The following RBFOX1 variants were observed in gnomAD, a reference collection of about 807,000 sequenced individuals.
RBFOX1 encodes the protein RNA binding protein fox-1 homolog 1.
A neutral mutation model predicts 57.7 loss-of-function variants in RBFOX1; 8 were observed. The observed-to-expected ratio is 0.14, with a 90% confidence interval of 0.08 to 0.25. RBFOX1 has a LOEUF of 0.25. Among genes scored for constraint, RBFOX1 ranks in the 10% least tolerant of loss-of-function variants. The probability of loss-of-function intolerance (pLI) is 1.00; values close to 1 mark genes in which losing one functional copy is unlikely to be tolerated. For missense variants in RBFOX1, 611 were observed against 548.5 expected (o/e 1.11, Z -1.14); for synonymous variants, 326 against 222.4 (o/e 1.47, Z -4.15).
At chr16:6,337,065 A>G (rs1398438377) in intron 2 of RBFOX1, among the ~76,000 whole-genome samples, 1 of 152,206 alleles carries the variant, frequency 6.6e-6, no homozygotes, top group Non-Finnish European at 1.5e-5. Flanking sequence ...TTGGAACCCA[A>G]GAGTTCAGAG....
intron 2 of RBFOX1, among the ~76,000 whole-genome samples, chr16:6,533,573 A>C (rs966043827): frequency 8.6e-5 from 13 of 151,936 alleles, no homozygotes; most frequent in African/African-American, 3.1e-4. Context: ...GGTAACATAC[A>C]GAGTCAAGTG....
Position 6,580,994 on chromosome 16 carries a change from G to A in RBFOX1, c.-63-73609G>A, listed in dbSNP as rs114295102. On this transcript the variant is annotated intron_variant, in intron 2 of 15. Transcript: ENST00000550418. ...GAAGCATTGATCAAGAATATATTTT[G>A]CTTTGGATGAAGAATGTGAAAAATG... Among the ~76,000 whole-genome samples the A allele has an allele frequency of 6.0e-3, 895 of 149,132 alleles. 11 individuals are homozygous for A. The highest frequency in any genetic ancestry group is 0.021 in the African/African-American group (837 of 40,604).
At chr16:5,611,383 C>G (rs555219246) in intron 3 of RBFOX1, 2 of 152,280 alleles carry the variant, frequency 1.3e-5, no homozygotes, top group Admixed American at 1.3e-4. Context: ...ACTGCAACCC[C>G]AGCATCACCT....
intron 1 of RBFOX1, among the ~76,000 whole-genome samples, chr16:5,428,237 C>G (rs1279181670): frequency 2.0e-5 from 3 of 152,058 alleles, no homozygotes; most frequent in Non-Finnish European, 4.4e-5. Flanking sequence ...CCAGGCAAAC[C>G]TTGAGAAGCC....
chr16:6,006,326 C>T (rs2094926935), intron 4 of RBFOX1, among the ~76,000 whole-genome samples: 1 of 151,494 alleles, frequency 6.6e-6, no homozygotes, highest in Admixed American at 6.6e-5. Flanking sequence ...GTGATCCCAT[C>T]TGGACCAGTG....
Position 7,119,406 on chromosome 16 carries a change from A to G in RBFOX1, c.27+67308A>G, listed in dbSNP as rs74008922. ...AGATAAAAAGTACAATAAACGAGCTATCTTAAGGAAACTCAAATTACTTTG... is the reference window on the plus strand; with the variant it reads ...AGATAAAAAGTACAATAAACGAGCTGTCTTAAGGAAACTCAAATTACTTTG... On this transcript the variant is annotated intron_variant, in intron 4 of 15. Coordinates refer to ENST00000550418, the MANE Select transcript of RBFOX1 (RefSeq NM_018723.4). 4.1e-3 allele frequency among the ~76,000 whole-genome samples: 617 copies of G among 152,232 alleles called. 6 individuals carry two copies. Among genetic ancestry groups the G allele is most frequent in the African/African-American group, 0.014 (571 of 41,540 alleles).
Position 7,282,259 on chromosome 16 carries a change from A to C in RBFOX1, c.27+230161A>C, listed in dbSNP as rs1184947420. 2.0e-5 allele frequency among the ~76,000 whole-genome samples: 3 copies of C among 152,186 alleles called. No homozygotes were observed. The East Asian group carries it at 5.8e-4, about 29-fold the overall frequency. The stretch of plus-strand genomic sequence containing the variant: ...GTTTGCTCAGACTAACAGTCAGAGG[A>C]ACAAGTAAATGGCATTTGCAAAGGG... On this transcript the variant is annotated intron_variant, in intron 4 of 15. Coordinates refer to ENST00000550418, the MANE Select transcript of RBFOX1 (RefSeq NM_018723.4).
At chr16:7,709,177 C>A in intron 15 of RBFOX1, 46 bp downstream of exon 15, 1 of 1,530,566 alleles carries the variant, frequency 6.5e-7, no homozygotes, top group Non-Finnish European at 9.0e-7. Flanking sequence ...TGCCTCCCTT[C>A]CCTTTCCCCA....
chr16:5,951,884 GTA>G (rs1184391302), intron 4 of RBFOX1, among the ~76,000 whole-genome samples: 1 of 151,794 alleles, frequency 6.6e-6, no homozygotes, highest in African/African-American at 2.4e-5. Context: ...GTTTGTGTGT[GTA>G]TATACATATA....
intron 2 of RBFOX1, among the ~76,000 whole-genome samples, chr16:6,644,564 C>T (rs938869586): frequency 1.3e-5 from 2 of 152,200 alleles, no homozygotes; most frequent in Non-Finnish European, 2.9e-5. Context: ...ATGAAAAGCT[C>T]TCTGGGACTT....
intron 10 of RBFOX1, among the ~76,000 whole-genome samples, chr16:7,616,831 G>C (rs564164440): frequency 1.3e-5 from 2 of 152,034 alleles, no homozygotes; most frequent in East Asian, 3.9e-4. Context: ...CATGGCTGGC[G>C]CAAAAATAGT....
At chr16:7,278,132 A>C (rs2095475763) in intron 4 of RBFOX1, among the ~76,000 whole-genome samples, 1 of 149,572 alleles carries the variant, frequency 6.7e-6, no homozygotes, top group African/African-American at 2.4e-5. Context: ...CTTGGTTTCC[A>C]AAATTGTAAG....
At position 7,709,117 on chromosome 16, in the gene RBFOX1, G is replaced by T. The variant is rs145873257; in HGVS notation, c.1057G>T (p.Gly353Cys). 2 of 1,612,820 alleles carry T rather than the reference G, an allele frequency of 1.2e-6. No individual in the cohort carries two copies. Among genetic ancestry groups the T allele is most frequent in the African/African-American group, 2.7e-5 (2 of 74,854 alleles). ...CGCACTTGCTCCAGCCCCCACCTACGGCGTTGGTGCCATGGTGAGTACAAG... is the reference window on the plus strand; with the variant it reads ...CGCACTTGCTCCAGCCCCCACCTACTGCGTTGGTGCCATGGTGAGTACAAG... ...HHALAPAPTY[G>C]VGAMNAFAPL... Residue 353 changes from glycine to cysteine, a missense_variant, in exon 15 of 16, where the codon GGC becomes TGC. Physicochemically the swap from Gly to Cys is radical, Grantham distance 159. This residue lies in a region of RBFOX1 where 267 missense variants were observed against 229.1 expected (regional missense o/e 1.17). Coordinates refer to ENST00000550418, the MANE Select transcript of RBFOX1 (RefSeq NM_018723.4).
chr16:7,083,319 C>T (rs941111972), intron 4 of RBFOX1, among the ~76,000 whole-genome samples: 3 of 151,908 alleles, frequency 2.0e-5, no homozygotes, highest in African/African-American at 4.8e-5. Flanking sequence ...AATGTTTCTC[C>T]ATCTTAGGGC....
intron 2 of RBFOX1, among the ~76,000 whole-genome samples, chr16:6,396,314 G>C (rs751332560): frequency 8.5e-5 from 13 of 152,100 alleles, no homozygotes; most frequent in Non-Finnish European, 1.8e-4. Flanking sequence ...CACCCCCAAA[G>C]TACACACCAA....
At chr16:6,084,419 T>A (rs972563276) in intron 1 of RBFOX1, among the ~76,000 whole-genome samples, 2 of 152,054 alleles carry the variant, frequency 1.3e-5, no homozygotes, top group African/African-American at 4.8e-5. Context: ...ATGTTTTGTA[T>A]TTTTTGTGAA....
intron 14 of RBFOX1, among the ~76,000 whole-genome samples, chr16:7,686,333 C>T (rs534276624): frequency 8.6e-5 from 13 of 152,024 alleles, no homozygotes; most frequent in South Asian, 2.1e-4. Context: ...AATTGGGAAC[C>T]GCAAGATCAA....
Position 6,791,785 on chromosome 16 carries a change from G to C in RBFOX1, c.-16+137135G>C, listed in dbSNP as rs578202593. ...CAAAAAAAGCATCAAACCAGGTGCAGGACCCTTTGAGTGGCATCCCTGTGT... is the reference window on the plus strand; with the variant it reads ...CAAAAAAAGCATCAAACCAGGTGCACGACCCTTTGAGTGGCATCCCTGTGT... On this transcript the variant is annotated intron_variant, in intron 3 of 15. Transcript: ENST00000550418. 1.5e-4 allele frequency among the ~76,000 whole-genome samples: 23 copies of C among 152,028 alleles called. 1 individual carries two copies. Among genetic ancestry groups the C allele is most frequent in the Non-Finnish European group, 2.9e-4 (20 of 67,994 alleles).
Position 6,942,123 on chromosome 16 carries a change from C to T in RBFOX1, c.-15-109934C>T, listed in dbSNP as rs559760348. Among the ~76,000 whole-genome samples the T allele has an allele frequency of 5.6e-4, 85 of 152,218 alleles. 1 individual carries two copies. The highest frequency in any genetic ancestry group is 3.4e-3 in the Middle Eastern group (1 of 294). ...GTGCAGTGGTGCACACCTGTAATCC[C>T]AGCTACTTGGGAGGCTGAGGCAGGA... On this transcript the variant is annotated intron_variant, in intron 3 of 15. Coordinates refer to ENST00000550418, the MANE Select transcript of RBFOX1 (RefSeq NM_018723.4).
Sources: gnomAD v4.1 joint callset for allele counts (sites outside exome capture counted in the v4.1 genomes callset) on GRCh38, gnomAD v4.1.1 for gene constraint, gnomAD v4.1.1 regional missense constraint, MANE v1.5 for transcripts, NCBI Gene and HGNC (gene_info 2026-07-23, HGNC 2026-07-21) for gene names.